Variants in C2CD3 observed in about 807,000 individuals in gnomAD.
C2CD3 encodes the protein C2 domain containing 3 centriole elongation regulator, also known as C2 domain-containing protein 3.
In C2CD3, 148 loss-of-function variants were observed where a neutral mutation model predicts 234.0. The observed-to-expected ratio is 0.63, with a 90% confidence interval of 0.55 to 0.72. C2CD3 has a LOEUF of 0.72. C2CD3 is among the 30% of genes least tolerant of loss of function. The probability of loss-of-function intolerance (pLI) is 0.00; values close to 1 mark genes in which losing one functional copy is unlikely to be tolerated. For missense variants in C2CD3, 2,577 were observed against 2,811.5 expected, an observed-to-expected ratio of 0.92 and a Z score of 1.89; for synonymous variants, 1,000 against 1,035.4, an observed-to-expected ratio of 0.97 and a Z score of 0.66.
intron 3 of C2CD3, among the ~76,000 whole-genome samples, chr11:74,150,544 C>A (rs1282798783): frequency 2.8e-5 from 2 of 72,670 alleles, no homozygotes; most frequent in South Asian, 4.8e-4. Flanking sequence ...AATTTCTAAG[C>A]TTTTTAAAAC....
chr11:74,018,511 C>T (rs1951957892), intron 32 of C2CD3, among the ~76,000 whole-genome samples: 1 of 152,174 alleles, frequency 6.6e-6, no homozygotes, highest in Non-Finnish European at 1.5e-5. Flanking sequence ...GAGCTGAAAA[C>T]TGAAAGTAAA....
intron 16 of C2CD3, among the ~76,000 whole-genome samples, chr11:74,096,113 C>T (rs1298228001): frequency 2.6e-5 from 4 of 152,104 alleles, no homozygotes; most frequent in Non-Finnish European, 5.9e-5. Context: ...TACTATGAAC[C>T]AGGCACTATA....
intron 26 of C2CD3, among the ~76,000 whole-genome samples, chr11:74,052,738 T>C (rs563476150): frequency 2.4e-4 from 37 of 152,294 alleles, no homozygotes; most frequent in Admixed American, 6.5e-4. Flanking sequence ...AGCAGCAACA[T>C]AGAACTCATC....
At chr11:74,149,476 T>C (rs1049243750) in intron 3 of C2CD3, among the ~76,000 whole-genome samples, 6 of 152,202 alleles carry the variant, frequency 3.9e-5, no homozygotes, top group African/African-American at 1.4e-4. Context: ...GCTGGGACTG[T>C]AGGTGCATGC....
intron 7 of C2CD3, among the ~76,000 whole-genome samples, chr11:74,125,804 T>C (rs191545705): frequency 2.1e-3 from 321 of 152,290 alleles, no homozygotes; most frequent in Non-Finnish European, 3.6e-3. Context: ...TTCAAGAGAA[T>C]TGAAAATTTC....
chr11:74,042,864 T>C (rs547784497), intron 28 of C2CD3, among the ~76,000 whole-genome samples: 1 of 152,360 alleles, frequency 6.6e-6, no homozygotes, highest in East Asian at 1.9e-4. Flanking sequence ...AGCCCTGCTG[T>C]AAGCATTCAA....
chr11:74,154,833 GA>G (rs1377174398), intron 3 of C2CD3, among the ~76,000 whole-genome samples: 1 of 152,060 alleles, frequency 6.6e-6, no homozygotes, highest in Non-Finnish European at 1.5e-5. Context: ...AAAAGCCCAT[GA>G]AAAAATACTC....
At position 74,139,648 on chromosome 11, in the gene C2CD3, C is replaced by T; in HGVS notation, c.664G>A (p.Gly222Arg). ...PRDIHTIKID[G>R]KELAANSSRS... ...CTGCTGTTGGCTGCTAACTCTTTTC[C>T]ATCAATTTTGATGGTATGTATGTCG... is the stretch of plus-strand genomic sequence containing the variant. The change falls in exon 4 of 33, where the codon GGA (glycine) becomes AGA (arginine). Residue 222 changes from glycine to arginine, a missense_variant. Gly to Arg is a moderately radical substitution (Grantham distance 125). Coordinates refer to ENST00000334126, the MANE Select transcript of C2CD3 (RefSeq NM_001286577.2). The T allele has an allele frequency of 6.2e-7, 1 of 1,613,994 alleles. No individual in the cohort carries two copies. Among genetic ancestry groups the T allele is most frequent in the Non-Finnish European group, 8.5e-7 (1 of 1,179,904 alleles).
intron 8 of C2CD3, among the ~76,000 whole-genome samples, chr11:74,119,638 T>G (rs1354790700): frequency 4.0e-5 from 6 of 149,352 alleles, no homozygotes; most frequent in African/African-American, 1.5e-4. Flanking sequence ...AATACAACTT[T>G]TTTTTTTTTT....
intron 12 of C2CD3, among the ~76,000 whole-genome samples, chr11:74,107,240 G>A (rs964850931): frequency 2.0e-5 from 3 of 151,880 alleles, no homozygotes; most frequent in Admixed American, 1.3e-4. Context: ...CAGGAGAATC[G>A]CTCGAACCCA....
intron 7 of C2CD3, 87 bp downstream of exon 7, chr11:74,132,757 T>A (rs1957716327): frequency 7.6e-7 from 1 of 1,311,808 alleles, no homozygotes; most frequent in African/African-American, 1.5e-5. Flanking sequence ...AAGGACATGT[T>A]ACTTTAGGAA....
Position 74,093,964 on chromosome 11 carries a change from G to GT in C2CD3, c.3195dup (p.Leu1066ThrfsTer9), listed in dbSNP as rs1184923162. On this transcript the variant is annotated frameshift_variant, in exon 18 of 33. Coordinates refer to ENST00000334126, the MANE Select transcript of C2CD3 (RefSeq NM_001286577.2). LOFTEE classifies it high-confidence loss of function. ...TTAAAGATGGGATCTGGAACACAGA[G>GT]TGTGGTTGCAGTTCTGAAGGGCTTC... The GT allele has an allele frequency of 1.4e-5, 22 of 1,613,860 alleles. No individual in the cohort carries two copies. The highest frequency in any genetic ancestry group is 1.9e-5 in the Non-Finnish European group (22 of 1,179,888).
intron 24 of C2CD3, among the ~76,000 whole-genome samples, chr11:74,059,270 G>A (rs1174613168): frequency 6.6e-6 from 1 of 151,862 alleles, no homozygotes; most frequent in African/African-American, 2.4e-5. Context: ...AATTAGCCAG[G>A]CGTGGTGGTG....
At position 74,113,788 on chromosome 11, in the gene C2CD3, G is replaced by A. The variant is rs777502035; in HGVS notation, c.1835C>T (p.Thr612Ile). 2 of 1,596,122 alleles carry A rather than the reference G, an allele frequency of 1.3e-6. No homozygotes were observed. Among genetic ancestry groups the A allele is most frequent in the East Asian group, 4.5e-5 (2 of 44,716 alleles). ...ACCAGTGTGTCTCTTACTTCCATCT[G>A]TAATTTTACTGGAGGCGAGTCGAAC... ...EVVRLASSKITDGKVKFQQRF... is the reference protein window; with the variant it reads ...EVVRLASSKIIDGKVKFQQRF... The change falls in exon 11 of 33, where the codon ACA becomes ATA. Residue 612 changes from threonine (T) to isoleucine (I), a missense_variant. Physicochemically the swap from Thr to Ile is moderately conservative, Grantham distance 89. Coordinates refer to ENST00000334126, the MANE Select transcript of C2CD3 (RefSeq NM_001286577.2).
chr11:74,017,716 T>A (rs939402307), intron 32 of C2CD3, among the ~76,000 whole-genome samples: 1 of 152,230 alleles, frequency 6.6e-6, no homozygotes, highest in Non-Finnish European at 1.5e-5. Flanking sequence ...GGAGGCACTC[T>A]ATAAACCACG....
At chr11:74,162,006 A>C (rs1002396461) in intron 2 of C2CD3, among the ~76,000 whole-genome samples, 6 of 151,882 alleles carry the variant, frequency 4.0e-5, no homozygotes, top group African/African-American at 1.4e-4. Context: ...TGTAGAGACA[A>C]GGTCTCACTG....
chr11:74,044,936 T>C (rs1487679696), intron 28 of C2CD3, among the ~76,000 whole-genome samples: 7 of 152,024 alleles, frequency 4.6e-5, no homozygotes, highest in African/African-American at 1.7e-4. Context: ...TTTTGATGAA[T>C]CTAATTTTTT....
At chr11:74,143,533 A>G (rs537782102) in intron 3 of C2CD3, among the ~76,000 whole-genome samples, 2 of 136,054 alleles carry the variant, frequency 1.5e-5, no homozygotes, top group South Asian at 4.8e-4. Flanking sequence ...TATTTTATAT[A>G]TTTATATATA....
In C2CD3 at chr11:74,095,398, C is replaced by T. The variant is rs11235995; in HGVS notation, c.2990G>A (p.Arg997Gln). Reference sequence around the variant, plus strand: ...GCAGTGCTCCATCAGTCCATTTCCTCGGTCCTCTGCCTATTAAATGAAACA... The same window carrying T: ...GCAGTGCTCCATCAGTCCATTTCCTTGGTCCTCTGCCTATTAAATGAAACA... ...TAASVAMAED[R>Q]GNGLMEHCFE... Residue 997 changes from arginine to glutamine, a missense_variant, in exon 17 of 33, where the codon CGA becomes CAA. Physicochemically the swap from Arg to Gln is conservative, Grantham distance 43. Coordinates refer to ENST00000334126, the MANE Select transcript of C2CD3 (RefSeq NM_001286577.2). The T allele has an allele frequency of 0.19, 313,285 of 1,609,124 alleles. 32,368 individuals carry two copies. The highest frequency in any genetic ancestry group is 0.3 in the African/African-American group (22,397 of 74,750).
Sources: allele counts gnomAD v4.1 joint callset (sites outside exome capture counted in the v4.1 genomes callset), GRCh38; gene constraint gnomAD v4.1.1; transcripts MANE v1.5; gene names NCBI Gene and HGNC (gene_info 2026-07-23, HGNC 2026-07-21).